Variants in PARD3B observed in about 807,000 individuals in gnomAD.
The protein encoded by PARD3B is partitioning defective 3 homolog B.
PARD3B carries 103 observed loss-of-function variants against 130.2 expected under a neutral mutation model. The ratio of observed to expected loss-of-function variants is 0.79; its 90% CI spans 0.67 to 0.93. PARD3B has a LOEUF of 0.93. PARD3B is among the 40% of genes least tolerant of loss of function. The pLI, the probability that PARD3B is intolerant of heterozygous loss-of-function variation, is 0.00. For synonymous variants in PARD3B, 583 were observed against 553.2 expected, an observed-to-expected ratio of 1.05 and a Z score of -0.76; for missense variants, 1,609 against 1,499.2, an observed-to-expected ratio of 1.07 and a Z score of -1.21.
At chr2:204,566,475 C>T (rs1045546447) in intron 1 of PARD3B, among the ~76,000 whole-genome samples, 2 of 152,122 alleles carry the variant, frequency 1.3e-5, no homozygotes, top group African/African-American at 4.8e-5. Flanking sequence ...GTATGATACC[C>T]TATAAGGTCT....
At chr2:205,296,663 A>ATGTG (rs3048084) in intron 16 of PARD3B, among the ~76,000 whole-genome samples, 4,518 of 137,968 alleles carry the variant, frequency 0.033, 77 homozygotes, top group Middle Eastern at 0.051. Flanking sequence ...GTGTTTGTGT[A>ATGTG]TGTGTGTGTG....
intron 4 of PARD3B, among the ~76,000 whole-genome samples, chr2:205,082,606 A>T (rs994836401): frequency 5.9e-5 from 9 of 151,946 alleles, no homozygotes; most frequent in African/African-American, 2.2e-4. Flanking sequence ...GGTGTTTGTT[A>T]ATTTTTTTCA....
At chr2:204,853,768 A>T (rs1250055638) in intron 2 of PARD3B, among the ~76,000 whole-genome samples, 1 of 152,234 alleles carries the variant, frequency 6.6e-6, no homozygotes, top group Admixed American at 6.5e-5. Flanking sequence ...TGCAATAAAT[A>T]TGATCCTTGC....
intron 13 of PARD3B, among the ~76,000 whole-genome samples, chr2:205,181,851 T>C (rs544336943): frequency 3.7e-4 from 56 of 152,324 alleles, no homozygotes; most frequent in African/African-American, 1.3e-3. Context: ...TCAAGAAGAC[T>C]GTACCTCGTA....
intron 2 of PARD3B, among the ~76,000 whole-genome samples, chr2:204,794,198 C>T (rs1284220798): frequency 6.6e-6 from 1 of 152,054 alleles, no homozygotes; most frequent in Non-Finnish European, 1.5e-5. Context: ...CATTCCTATA[C>T]AAAATTTAAG....
intron 15 of PARD3B, among the ~76,000 whole-genome samples, chr2:205,223,421 A>C (rs1207035023): frequency 6.6e-6 from 1 of 152,204 alleles, no homozygotes; most frequent in African/African-American, 2.4e-5. Flanking sequence ...CAATTGCAAA[A>C]ATTCAGCCAT....
intron 12 of PARD3B, among the ~76,000 whole-genome samples, chr2:205,174,329 G>A (rs1267482937): frequency 2.0e-5 from 3 of 152,174 alleles, no homozygotes; most frequent in Admixed American, 1.3e-4. Context: ...CTATGAGGAC[G>A]TTTAAACAAG....
At chr2:204,839,361 T>A (rs1190549299) in intron 2 of PARD3B, among the ~76,000 whole-genome samples, 1 of 152,228 alleles carries the variant, frequency 6.6e-6, no homozygotes, top group Non-Finnish European at 1.5e-5. Flanking sequence ...GTAAAAGTAT[T>A]CTCTTACTTC....
In PARD3B at chr2:205,280,690, A is replaced by G. The variant is rs935041685; in HGVS notation, c.2186-19840A>G. Among the ~76,000 whole-genome samples, 2 of 152,214 alleles carry G rather than the reference A, an allele frequency of 1.3e-5. No homozygotes were observed. The highest frequency in any genetic ancestry group is 4.8e-5 in the African/African-American group (2 of 41,458). On this transcript the variant is annotated intron_variant, in intron 16 of 22. Transcript: ENST00000406610. The surrounding 1 kb of genome is among the most constrained non-coding windows in gnomAD (Gnocchi z 4.7). ...TGGTTCCTTGATAAAGTTAACACTT[A>G]GTTAATTACCCAGAGCCTTGACATG...
At chr2:205,431,942 T>C (rs1485467831) in intron 19 of PARD3B, among the ~76,000 whole-genome samples, 1 of 152,186 alleles carries the variant, frequency 6.6e-6, no homozygotes, top group African/African-American at 2.4e-5. Flanking sequence ...CAGCTGCTTC[T>C]TCTCTAAAGT....
chr2:205,186,840 T>A (rs2036129753), intron 14 of PARD3B, among the ~76,000 whole-genome samples: 1 of 152,226 alleles, frequency 6.6e-6, no homozygotes, highest in African/African-American at 2.4e-5. Context: ...TTTAATTTTG[T>A]CCATTCATTT....
chr2:204,581,512 T>G (rs10203725), intron 1 of PARD3B, among the ~76,000 whole-genome samples: 1 of 151,866 alleles, frequency 6.6e-6, no homozygotes, highest in Non-Finnish European at 1.5e-5. Flanking sequence ...TGTGGGGGTA[T>G]AAAAAGAATT....
At chr2:205,036,345 G>A (rs1001316113) in intron 3 of PARD3B, among the ~76,000 whole-genome samples, 2 of 137,992 alleles carry the variant, frequency 1.4e-5, no homozygotes, top group African/African-American at 2.7e-5. Flanking sequence ...AAAAATATAT[G>A]TATATAGTGG....
chr2:204,620,846 C>T (rs1277738019), intron 1 of PARD3B, among the ~76,000 whole-genome samples: 1 of 152,006 alleles, frequency 6.6e-6, no homozygotes, highest in Non-Finnish European at 1.5e-5. Context: ...GGGAATGGGG[C>T]AAGGAACAGA....
chr2:205,541,643 C>T (rs527984255), intron 21 of PARD3B, among the ~76,000 whole-genome samples: 33 of 151,904 alleles, frequency 2.2e-4, no homozygotes, highest in African/African-American at 7.2e-4. Context: ...CCACCGTGCC[C>T]GGCCTATTTT....
intron 19 of PARD3B, among the ~76,000 whole-genome samples, chr2:205,402,583 C>A (rs573505625): frequency 6.6e-6 from 1 of 152,212 alleles, no homozygotes; most frequent in Admixed American, 6.5e-5. Flanking sequence ...AAATTGATAA[C>A]CCATAAAATA....
chr2:204,716,857 C>G (rs369773579), intron 2 of PARD3B, among the ~76,000 whole-genome samples: 1 of 152,096 alleles, frequency 6.6e-6, no homozygotes, highest in Non-Finnish European at 1.5e-5. Flanking sequence ...CTCCTGACCT[C>G]GTGATCTGCC....
intron 1 of PARD3B, among the ~76,000 whole-genome samples, chr2:204,593,957 C>A (rs1443248469): frequency 2.0e-5 from 3 of 152,144 alleles, no homozygotes; most frequent in Non-Finnish European, 4.4e-5. Context: ...TGACTGTTTC[C>A]TTGAATAAAT....
intron 21 of PARD3B, among the ~76,000 whole-genome samples, chr2:205,542,231 A>G (rs1010641894): frequency 2.6e-5 from 4 of 151,370 alleles, no homozygotes; most frequent in Admixed American, 2.0e-4. Context: ...TTGAGCATGC[A>G]TAAGAAGGAC....
Sources: gnomAD v4.1 joint callset for allele counts (sites outside exome capture counted in the v4.1 genomes callset) on GRCh38, gnomAD v4.1.1 for gene constraint, Gnocchi (gnomAD v3.1) non-coding constraint, MANE v1.5 for transcripts, NCBI Gene and HGNC (gene_info 2026-07-23, HGNC 2026-07-21) for gene names.